ZPBP: variants seen among roughly 807,000 people sequenced by gnomAD.
ZPBP encodes the protein zona pellucida-binding protein 1.
Under a neutral mutation model 44.8 loss-of-function variants are expected in ZPBP, and 26 were observed. That is an observed-to-expected ratio of 0.58 (90% CI 0.43 to 0.81). The LOEUF (loss-of-function observed/expected upper bound fraction) is 0.81. Ranked by LOEUF, ZPBP falls within the 30% of genes least tolerant of loss-of-function variation. ZPBP has a pLI of 0.00. For missense variants in ZPBP, 409 were observed against 434.0 expected (o/e 0.94, Z 0.51); for synonymous variants, 174 against 153.2 (o/e 1.14, Z -1.00).
At chr7:50,081,924 T>C (rs777860418) in intron 2 of ZPBP, 25 bp from the exon 3 acceptor site, 1 of 1,607,458 alleles carries the variant, frequency 6.2e-7, no homozygotes. Context: ...TTTAAAATGT[T>C]CCAATAGTAT....
intron 2 of ZPBP, among the ~76,000 whole-genome samples, chr7:50,083,360 CA>C (rs1360552037): frequency 2.6e-5 from 4 of 151,858 alleles, no homozygotes; most frequent in Non-Finnish European, 4.4e-5. Context: ...CAGGCTCTAA[CA>C]AAAGACATAA....
intron 2 of ZPBP, among the ~76,000 whole-genome samples, chr7:50,088,539 A>G (rs1802786715): frequency 6.6e-6 from 1 of 152,070 alleles, no homozygotes; most frequent in Admixed American, 6.6e-5. Context: ...TATATAGAAT[A>G]TATAAAGAAC....
At chr7:50,033,351 C>T (rs1799686663) in intron 4 of ZPBP, among the ~76,000 whole-genome samples, 1 of 152,086 alleles carries the variant, frequency 6.6e-6, no homozygotes, top group South Asian at 2.1e-4. Context: ...TATGACCAGG[C>T]TGCTTTAAGG....
At chr7:49,905,756 T>C (rs990606660) in intron 1 of ZPBP, among the ~76,000 whole-genome samples, 2 of 152,072 alleles carry the variant, frequency 1.3e-5, no homozygotes, top group Non-Finnish European at 2.9e-5. Context: ...AGTCACGAGA[T>C]AGGATGTTGG....
At chr7:50,051,852 G>A (rs1800715761) in intron 4 of ZPBP, among the ~76,000 whole-genome samples, 1 of 152,034 alleles carries the variant, frequency 6.6e-6, no homozygotes, top group Non-Finnish European at 1.5e-5. Flanking sequence ...GCTAATACAT[G>A]CTGAACTTAA....
At chr7:49,890,993 G>T (rs1440760474) in intron 2 of ZPBP, among the ~76,000 whole-genome samples, 2 of 151,988 alleles carry the variant, frequency 1.3e-5, no homozygotes, top group Non-Finnish European at 2.9e-5. Flanking sequence ...AAATAGGAAA[G>T]AACTACTAAG....
At chr7:50,066,958 G>A (rs1801537246) in intron 3 of ZPBP, among the ~76,000 whole-genome samples, 1 of 152,160 alleles carries the variant, frequency 6.6e-6, no homozygotes, top group Non-Finnish European at 1.5e-5. Context: ...GCCAGCTATG[G>A]TGAATCCAAG....
At chr7:50,073,223 T>A (rs991437160) in intron 3 of ZPBP, among the ~76,000 whole-genome samples, 3 of 151,824 alleles carry the variant, frequency 2.0e-5, no homozygotes, top group South Asian at 4.1e-4. Context: ...ATAAAAAGAA[T>A]CAAGCAGAAA....
intron 7 of ZPBP, among the ~76,000 whole-genome samples, chr7:49,941,150 T>G (rs1274667549): frequency 2.0e-5 from 3 of 152,090 alleles, no homozygotes; most frequent in Admixed American, 2.0e-4. Flanking sequence ...CAGAAAATAT[T>G]TATTGGTCAT....
chr7:50,019,789 C>T lies in ZPBP; in HGVS notation c.707-1473G>A, dbSNP rs141256367. On this transcript the variant is annotated intron_variant, in intron 5 of 7. Transcript: ENST00000046087. ...ATATTATAGACAAGACAACAAAATC[C>T]AACCTAGTGATTTTATAAAATTAGA... Among the ~76,000 whole-genome samples the T allele has an allele frequency of 1.7e-3, 266 of 152,100 alleles. 3 individuals are homozygous for T. The highest frequency in any genetic ancestry group is 6.0e-3 in the African/African-American group (249 of 41,520).
At chr7:49,948,757 C>T (rs1795208788) in intron 7 of ZPBP, among the ~76,000 whole-genome samples, 1 of 152,074 alleles carries the variant, frequency 6.6e-6, no homozygotes, top group African/African-American at 2.4e-5. Flanking sequence ...GAGCCTTGTG[C>T]ATTGCTGATG....
At chr7:50,076,291 C>G (rs1242516287) in intron 3 of ZPBP, among the ~76,000 whole-genome samples, 1 of 151,732 alleles carries the variant, frequency 6.6e-6, no homozygotes, top group Non-Finnish European at 1.5e-5. Context: ...AAGACTTATA[C>G]AACAGACCAC....
intron 7 of ZPBP, among the ~76,000 whole-genome samples, chr7:49,952,040 G>A (rs533625791): frequency 6.6e-6 from 1 of 151,904 alleles, no homozygotes; most frequent in African/African-American, 2.4e-5. Context: ...AGAAAGCATA[G>A]TGATAGTTGC....
At chr7:50,067,267 TG>T (rs1801557901) in intron 3 of ZPBP, among the ~76,000 whole-genome samples, 1 of 152,166 alleles carries the variant, frequency 6.6e-6, no homozygotes, top group Non-Finnish European at 1.5e-5. Context: ...ACCACCTCTT[TG>T]GGGGCCCATA....
chr7:49,895,691 T>C (rs1490931801), intron 2 of ZPBP, among the ~76,000 whole-genome samples: 3 of 151,644 alleles, frequency 2.0e-5, no homozygotes, highest in Non-Finnish European at 4.4e-5. Context: ...TAATAGTCTC[T>C]CTGAGTCTCA....
chr7:49,844,550 A>G, the ZPBP span, among the ~76,000 whole-genome samples: 2 of 152,202 alleles, frequency 1.3e-5, no homozygotes, highest in Non-Finnish European at 2.9e-5. Context: ...TGGGCCATAA[A>G]ATTGTAGCAA....
chr7:49,919,003 C>T (rs572099455), intron 1 of ZPBP: 5 of 150,958 alleles, frequency 3.3e-5, no homozygotes, highest in East Asian at 3.9e-4. Flanking sequence ...TTGCTTGAGC[C>T]GAGATCGCGT....
chr7:50,081,431 A>C (rs1802346195), intron 3 of ZPBP, among the ~76,000 whole-genome samples: 1 of 151,748 alleles, frequency 6.6e-6, no homozygotes, highest in African/African-American at 2.4e-5. Context: ...TAAAAAGTAA[A>C]ATCTGTATTT....
chr7:49,842,538 C>T, the ZPBP span, among the ~76,000 whole-genome samples: 1 of 152,154 alleles, frequency 6.6e-6, no homozygotes, highest in Non-Finnish European at 1.5e-5. Flanking sequence ...AGTGACACAA[C>T]AGTGAATCCA....
Sources: allele counts gnomAD v4.1 joint callset (sites outside exome capture counted in the v4.1 genomes callset), GRCh38; gene constraint gnomAD v4.1.1; transcripts MANE v1.5; gene names NCBI Gene and HGNC (gene_info 2026-07-23, HGNC 2026-07-21).